Variants in CAMK1D observed in about 807,000 individuals in gnomAD.
The protein encoded by CAMK1D is calcium/calmodulin dependent protein kinase ID, also known as calcium/calmodulin-dependent protein kinase type 1D.
In CAMK1D, 9 loss-of-function variants were observed where a neutral mutation model predicts 47.7. That is an observed-to-expected ratio of 0.19 (90% CI 0.11 to 0.33). The LOEUF is 0.33. CAMK1D is among the 10% of genes least tolerant of loss of function. The probability of loss-of-function intolerance (pLI) is 1.00; values close to 1 mark genes in which losing one functional copy is unlikely to be tolerated. For synonymous variants in CAMK1D, 184 were observed against 184.9 expected (o/e 0.99, Z 0.04); for missense variants, 291 against 488.7 (o/e 0.60, Z 3.81).
In CAMK1D at chr10:12,437,861, C is replaced by T. The variant is rs552353150; in HGVS notation, c.92+87951C>T. ...ACCCCTGGCAATCACTGACTATTTT[C>T]CTGCCTCTGTATTTTGCCTTTTCTA... On this transcript the variant is annotated intron_variant, in intron 1 of 10. Transcript: ENST00000619168. Among the ~76,000 whole-genome samples the T allele has an allele frequency of 3.0e-4, 45 of 152,318 alleles. No homozygotes were observed. The South Asian group carries it at 7.7e-3, about 26-fold the overall frequency.
rs1024424633 is a variant in CAMK1D at position 12,532,633 on chromosome 10, T to C, written c.93-20592T>C. 4.6e-5 allele frequency among the ~76,000 whole-genome samples: 7 copies of C among 152,280 alleles called. No homozygotes were observed. In the East Asian group the frequency reaches 7.7e-4, roughly 17 times the overall value. ...TGGAAATCAGTGTATCAAAGAGATA[T>C]TTGCATTCCTGTGTTAGTTGCAGCA... On this transcript the variant is annotated intron_variant, in intron 1 of 10. Coordinates refer to ENST00000619168, the MANE Select transcript of CAMK1D (RefSeq NM_153498.4).
At chr10:12,376,664 T>TG (rs1359581609) in intron 1 of CAMK1D, among the ~76,000 whole-genome samples, 1 of 152,166 alleles carries the variant, frequency 6.6e-6, no homozygotes, top group Admixed American at 6.5e-5. Context: ...CAGATGAGAA[T>TG]GCAGGGTCTG....
rs192283239 is a variant in CAMK1D, at chr10:12,488,966, C to T, written c.93-64259C>T. On this transcript the variant is annotated intron_variant, in intron 1 of 10. Coordinates refer to ENST00000619168, the MANE Select transcript of CAMK1D (RefSeq NM_153498.4). The stretch of plus-strand genomic sequence containing the variant: ...GTATTTATTTTTTGACATGGAGTCT[C>T]GCTCTGAGGCCCAGGCTAGAGTGCA... 2.2e-4 allele frequency among the ~76,000 whole-genome samples: 34 copies of T among 152,242 alleles called. 2 individuals carry two copies. The highest frequency in any genetic ancestry group is 7.5e-4 in the African/African-American group (31 of 41,530).
At chr10:12,580,998 T>C (rs1378450020) in intron 2 of CAMK1D, among the ~76,000 whole-genome samples, 1 of 152,152 alleles carries the variant, frequency 6.6e-6, no homozygotes, top group East Asian at 1.9e-4. Flanking sequence ...ATCTGAGCAG[T>C]GTACACTGTA....
At chr10:12,585,920 C>G (rs17151924) in intron 2 of CAMK1D, among the ~76,000 whole-genome samples, 8,131 of 152,278 alleles carry the variant, frequency 0.053, 290 homozygotes, top group East Asian at 0.15. Flanking sequence ...TTCTCATTGG[C>G]TGATGTGCTC....
At chr10:12,711,281 G>A (rs1002275549) in intron 3 of CAMK1D, among the ~76,000 whole-genome samples, 4 of 152,132 alleles carry the variant, frequency 2.6e-5, no homozygotes, top group African/African-American at 7.2e-5. Flanking sequence ...GAACGGGGGC[G>A]CCACCTGCAG....
Position 12,819,595 on chromosome 10 carries a change from CAAA to C in CAMK1D, c.833+3268_833+3270del, listed in dbSNP as rs1301977030. On this transcript the variant is annotated intron_variant, in intron 8 of 10. Transcript: ENST00000619168. ...GGGTTACGTGAGATAATACATGTGACAAAGAAGAAGCGTTGCACATCTGTGATA... is the reference window on the plus strand; with the variant it reads ...GGGTTACGTGAGATAATACATGTGACGAAGAAGCGTTGCACATCTGTGATA... 3.3e-5 allele frequency among the ~76,000 whole-genome samples: 5 copies of C among 152,232 alleles called. No individual in the cohort carries two copies. In the East Asian group the frequency reaches 9.6e-4, roughly 29 times the overall value.
intron 3 of CAMK1D, among the ~76,000 whole-genome samples, chr10:12,679,703 A>G (rs949313553): frequency 9.9e-5 from 15 of 152,060 alleles, no homozygotes; most frequent in Non-Finnish European, 1.6e-4. Context: ...TGCTCCTTCT[A>G]TTCCTTTCAG....
intron 1 of CAMK1D, among the ~76,000 whole-genome samples, chr10:12,527,303 G>T (rs1184604852): frequency 1.3e-5 from 2 of 150,054 alleles, no homozygotes; most frequent in African/African-American, 4.9e-5. Flanking sequence ...ATTTTTCTTG[G>T]AATTTTTGGT....
chr10:12,550,948 T>C (rs1238117036), intron 1 of CAMK1D, among the ~76,000 whole-genome samples: 1 of 152,236 alleles, frequency 6.6e-6, no homozygotes, highest in Non-Finnish European at 1.5e-5. Flanking sequence ...AACATGCATT[T>C]AGCGTCCCTT....
rs560501277 is a variant in CAMK1D, at chr10:12,734,707, C to T, written c.300-26241C>T. Among the ~76,000 whole-genome samples, 66 of 151,930 alleles carry T rather than the reference C, an allele frequency of 4.3e-4. No homozygotes were observed. The Middle Eastern group carries it at 0.014, about 32-fold the overall frequency. On this transcript the variant is annotated intron_variant, in intron 3 of 10. Transcript: ENST00000619168. ...AACTTCATGGCCTGGCCTTGGGCACCAACCTCTCCCTACTCCTCATCTTAG... is the reference window on the plus strand; with the variant it reads ...AACTTCATGGCCTGGCCTTGGGCACTAACCTCTCCCTACTCCTCATCTTAG...
At chr10:12,786,080 T>C (rs143367338) in intron 5 of CAMK1D, among the ~76,000 whole-genome samples, 433 of 152,306 alleles carry the variant, frequency 2.8e-3, no homozygotes, top group Non-Finnish European at 4.8e-3. Flanking sequence ...TTGGTGGGCT[T>C]TTTCAAACAA....
intron 6 of CAMK1D, among the ~76,000 whole-genome samples, chr10:12,809,277 T>C (rs1282924048): frequency 6.6e-6 from 1 of 152,204 alleles, no homozygotes; most frequent in East Asian, 1.9e-4. Context: ...ACCATTTGTA[T>C]GTCATTGAGA....
chr10:12,764,163 G>A (rs969947757), intron 4 of CAMK1D, among the ~76,000 whole-genome samples: 9 of 152,202 alleles, frequency 5.9e-5, no homozygotes, highest in Middle Eastern at 3.4e-3. Flanking sequence ...GGTGGATTGC[G>A]TGAGGTCAGG....
chr10:12,460,959 T>G (rs1277842302), intron 1 of CAMK1D, among the ~76,000 whole-genome samples: 1 of 152,094 alleles, frequency 6.6e-6, no homozygotes, highest in Non-Finnish European at 1.5e-5. Flanking sequence ...AATCTCAGGG[T>G]GGACTTGGGA....
intron 1 of CAMK1D, among the ~76,000 whole-genome samples, chr10:12,436,419 C>T (rs1025445632): frequency 8.5e-5 from 13 of 152,178 alleles, no homozygotes; most frequent in Admixed American, 2.0e-4. Flanking sequence ...GAGCAGTGAC[C>T]GTCGAAGGAA....
intron 3 of CAMK1D, among the ~76,000 whole-genome samples, chr10:12,707,517 GC>G: frequency 6.6e-6 from 1 of 152,190 alleles, no homozygotes; most frequent in East Asian, 1.9e-4. Flanking sequence ...AAGGCAGGTG[GC>G]CAAAGCCTGC....
chr10:12,486,656 C>A (rs549703467), intron 1 of CAMK1D, among the ~76,000 whole-genome samples: 3 of 152,326 alleles, frequency 2.0e-5, no homozygotes, highest in South Asian at 4.1e-4. Context: ...TTCTCTGTTA[C>A]AAGATTTTAT....
intron 1 of CAMK1D, among the ~76,000 whole-genome samples, chr10:12,365,380 A>C (rs745462498): frequency 1.3e-5 from 2 of 152,196 alleles, no homozygotes; most frequent in African/African-American, 2.4e-5. Context: ...ATTATAGTAA[A>C]GACCTCACAT....
Sources: gnomAD v4.1 joint callset for allele counts (sites outside exome capture counted in the v4.1 genomes callset) on GRCh38, gnomAD v4.1.1 for gene constraint, MANE v1.5 for transcripts, NCBI Gene and HGNC (gene_info 2026-07-23, HGNC 2026-07-21) for gene names.